LIN28B: variants seen among roughly 807,000 people sequenced by gnomAD.
LIN28B encodes the protein protein lin-28 homolog B.
LIN28B carries 5 observed loss-of-function variants against 21.9 expected under a neutral mutation model. That is an observed-to-expected ratio of 0.23 (90% CI 0.12 to 0.48). The LOEUF is 0.48. Ranked by LOEUF, LIN28B falls within the 20% of genes least tolerant of loss-of-function variation. The pLI, the probability that LIN28B is intolerant of heterozygous loss-of-function variation, is 0.98. For missense variants in LIN28B, 245 were observed against 310.5 expected (o/e 0.79, Z 1.58); for synonymous variants, 109 against 111.3 (o/e 0.98, Z 0.13).
intron 3 of LIN28B, among the ~76,000 whole-genome samples, chr6:105,047,734 A>G (rs1365031782): frequency 6.6e-6 from 1 of 152,134 alleles, no homozygotes; most frequent in Non-Finnish European, 1.5e-5. Context: ...GGTCCTTCAC[A>G]TCCCTTGTAA....
intron 3 of LIN28B, among the ~76,000 whole-genome samples, chr6:105,050,114 T>G (rs2060688634): frequency 6.6e-6 from 1 of 152,348 alleles, no homozygotes; most frequent in African/African-American, 2.4e-5. Flanking sequence ...CTTTACAATT[T>G]GGCATGTTTT....
chr6:105,072,088 C>CTGTGTGTGTG (rs3035164), intron 3 of LIN28B, among the ~76,000 whole-genome samples: 36 of 148,850 alleles, frequency 2.4e-4, no homozygotes, highest in African/African-American at 8.8e-4. Flanking sequence ...TCTTTTGTGT[C>CTGTGTGTGTG]TGTGTGTGTG....
At chr6:105,038,910 C>G (rs1352867073) in intron 3 of LIN28B, among the ~76,000 whole-genome samples, 3 of 152,118 alleles carry the variant, frequency 2.0e-5, no homozygotes, top group African/African-American at 7.2e-5. Flanking sequence ...CTGACAGTAC[C>G]AAGCATTGTG....
chr6:105,069,926 T>TAC (rs1177179285), intron 3 of LIN28B, among the ~76,000 whole-genome samples: 1 of 152,078 alleles, frequency 6.6e-6, no homozygotes, highest in Non-Finnish European at 1.5e-5. Flanking sequence ...AAGAGATATA[T>TAC]ACACACACTT....
intron 3 of LIN28B, among the ~76,000 whole-genome samples, chr6:105,073,309 A>G (rs1051625867): frequency 2.0e-5 from 3 of 152,012 alleles, no homozygotes; most frequent in Admixed American, 1.3e-4. Flanking sequence ...AGAATCAGTT[A>G]TTTTTCCTTC....
chr6:104,994,296 G>A (rs1219990576), intron 2 of LIN28B, among the ~76,000 whole-genome samples: 9 of 152,158 alleles, frequency 5.9e-5, no homozygotes, highest in African/African-American at 1.7e-4. Flanking sequence ...GAGCCACCGC[G>A]CCTGACCGAT....
intron 3 of LIN28B, among the ~76,000 whole-genome samples, chr6:105,077,795 A>G (rs1165290317): frequency 6.6e-6 from 1 of 152,204 alleles, no homozygotes; most frequent in Non-Finnish European, 1.5e-5. Flanking sequence ...AATTTGCCAG[A>G]TATCATCCTG....
intron 3 of LIN28B, among the ~76,000 whole-genome samples, chr6:105,043,376 A>G (rs866995156): frequency 3.4e-5 from 5 of 145,156 alleles, no homozygotes; most frequent in African/African-American, 1.0e-4. Flanking sequence ...AAAAAAAGAA[A>G]ACTAAAACTA....
chr6:105,040,399 C>T (rs193149957), intron 3 of LIN28B, among the ~76,000 whole-genome samples: 87 of 151,820 alleles, frequency 5.7e-4, no homozygotes, highest in African/African-American at 1.9e-3. Flanking sequence ...TAACATAATA[C>T]GAATTTAAGT....
intron 2 of LIN28B, among the ~76,000 whole-genome samples, chr6:104,982,772 T>A (rs1029854581): frequency 1.3e-5 from 2 of 152,140 alleles, no homozygotes; most frequent in Non-Finnish European, 2.9e-5. Flanking sequence ...AATTTAAAGA[T>A]CTTTTAAACA....
At chr6:104,978,836 A>G (rs1369346471) in intron 2 of LIN28B, among the ~76,000 whole-genome samples, 1 of 152,144 alleles carries the variant, frequency 6.6e-6, no homozygotes, top group Non-Finnish European at 1.5e-5. Context: ...ATTTACCTCC[A>G]TCCCCATATG....
In LIN28B at chr6:104,972,369, A is replaced by G. The variant is rs895325021; in HGVS notation, c.198+14083A>G. Among the ~76,000 whole-genome samples, 12 of 152,358 alleles carry G rather than the reference A, an allele frequency of 7.9e-5. No individual in the cohort carries two copies. The South Asian group carries it at 8.3e-4, about 11-fold the overall frequency. ...TGACCCAGGCTTTAAAAAAAAATAC[A>G]TAACAAAATTTGGTATTAATTAATA... is the stretch of plus-strand genomic sequence containing the variant. On this transcript the variant is annotated intron_variant, in intron 2 of 3. Coordinates refer to ENST00000345080, the MANE Select transcript of LIN28B (RefSeq NM_001004317.4).
At chr6:104,954,544 A>C (rs1357029194), upstream of LIN28B, among the ~76,000 whole-genome samples, 1 of 149,940 alleles carries the variant, frequency 6.7e-6, no homozygotes, top group Non-Finnish European at 1.5e-5. Flanking sequence ...CCTTTCTTTT[A>C]CCCTCCCCCA....
chr6:104,999,511 A>C lies in LIN28B; in HGVS notation c.199-26787A>C, dbSNP rs1455260636. Among the ~76,000 whole-genome samples, 3 of 152,202 alleles carry C rather than the reference A, an allele frequency of 2.0e-5. No homozygotes were observed. In the East Asian group the frequency reaches 5.8e-4, roughly 29 times the overall value. On this transcript the variant is annotated intron_variant, in intron 2 of 3. Transcript: ENST00000345080. ...TTGTAATGTATATCAAAAGCATGTA[A>C]ATTAGAATGGATATGCACAAAGATA...
chr6:105,071,374 A>C (rs423366), intron 3 of LIN28B, among the ~76,000 whole-genome samples: 1 of 151,776 alleles, frequency 6.6e-6, no homozygotes, highest in Non-Finnish European at 1.5e-5. Context: ...TCATTATTCT[A>C]CTATCTGCAA....
At chr6:104,965,420 T>G (rs1398114203) in intron 2 of LIN28B, among the ~76,000 whole-genome samples, 1 of 152,114 alleles carries the variant, frequency 6.6e-6, no homozygotes, top group Non-Finnish European at 1.5e-5. Flanking sequence ...TCAGGGAGCC[T>G]GAGGTAAAAG....
chr6:105,029,999 C>T (rs1457008321), intron 3 of LIN28B, among the ~76,000 whole-genome samples: 3 of 152,062 alleles, frequency 2.0e-5, no homozygotes, highest in Admixed American at 2.0e-4. Context: ...TGGTGGTGGT[C>T]AGAAGTGAAT....
At chr6:104,974,564 A>T (rs1770047868) in intron 2 of LIN28B, among the ~76,000 whole-genome samples, 1 of 151,484 alleles carries the variant, frequency 6.6e-6, no homozygotes, top group Non-Finnish European at 1.5e-5. Context: ...CGTAGTGTAA[A>T]CTCCCTGAAG....
At chr6:105,061,125 G>C (rs931320335) in intron 3 of LIN28B, among the ~76,000 whole-genome samples, 1 of 152,104 alleles carries the variant, frequency 6.6e-6, no homozygotes, top group Non-Finnish European at 1.5e-5. Flanking sequence ...ACTACACAAA[G>C]ATAGTCTACT....
Sources: gnomAD v4.1 joint callset for allele counts (sites outside exome capture counted in the v4.1 genomes callset) on GRCh38, gnomAD v4.1.1 for gene constraint, MANE v1.5 for transcripts, NCBI Gene and HGNC (gene_info 2026-07-23, HGNC 2026-07-21) for gene names.